Variants in CEP57L1 observed in about 807,000 individuals in gnomAD.
CEP57L1 encodes centrosomal protein CEP57L1.
In CEP57L1, 37 loss-of-function variants were observed where a neutral mutation model predicts 61.0. The ratio of observed to expected loss-of-function variants is 0.61; its 90% confidence interval spans 0.47 to 0.80. The LOEUF is 0.80. Among genes scored for constraint, CEP57L1 ranks in the 30% least tolerant of loss-of-function variants. CEP57L1 has a pLI of 0.00. For missense variants in CEP57L1, 422 were observed against 524.7 expected (o/e 0.80, Z 1.91); for synonymous variants, 137 against 162.3 (o/e 0.84, Z 1.19).
intron 1 of CEP57L1, among the ~76,000 whole-genome samples, chr6:109,124,094 C>G (rs373430419): frequency 6.6e-6 from 1 of 151,824 alleles, no homozygotes. Flanking sequence ...AAAAGAACCA[C>G]TTCTATTGCC....
chr6:109,114,781 T>C (rs571845653), intron 1 of CEP57L1, among the ~76,000 whole-genome samples: 73 of 152,272 alleles, frequency 4.8e-4, no homozygotes, highest in African/African-American at 1.5e-3. Flanking sequence ...AAATAAGTTT[T>C]GGTGTTCTGT....
chr6:109,130,409 TTTCC>T (rs749567374), intron 1 of CEP57L1, among the ~76,000 whole-genome samples: 1 of 152,146 alleles, frequency 6.6e-6, no homozygotes, highest in Non-Finnish European at 1.5e-5. Flanking sequence ...TCTGTCAGAG[TTTCC>T]TTCCTTTTTA....
rs766160534 is a variant in CEP57L1 at position 109,171,404 on chromosome 6, G to GT, written c.*8445dup. On this transcript the variant is annotated 3_prime_UTR_variant, in exon 11 of 11. Coordinates refer to ENST00000517392, the MANE Select transcript of CEP57L1 (RefSeq NM_001271852.3). The stretch of plus-strand genomic sequence containing the variant: ...CAGGCATGCGTCACCACACCCGGCT[G>GT]TTTTTTTTTTTCGCATTTTTAATAG... Among the ~76,000 whole-genome samples, 4,173 of 121,718 alleles carry GT rather than the reference G, an allele frequency of 0.034. 193 individuals are homozygous for GT. Among genetic ancestry groups the GT allele is most frequent in the African/African-American group, 0.1 (3,781 of 36,362 alleles). The allele number at this position is 121,718 out of a possible 152,430, so 79.9% of individuals were successfully genotyped here. A position where few individuals can be genotyped will look rare whatever the true frequency, so the allele number is the denominator to read the frequency against.
intron 1 of CEP57L1, among the ~76,000 whole-genome samples, chr6:109,122,957 CTTTAA>C (rs982411860): frequency 3.3e-5 from 5 of 152,144 alleles, no homozygotes; most frequent in Non-Finnish European, 5.9e-5. Flanking sequence ...GATCTTCAAA[CTTTAA>C]TTTATATAAG....
chr6:109,105,775 G>T (rs988148938), intron 1 of CEP57L1, among the ~76,000 whole-genome samples: 3 of 152,148 alleles, frequency 2.0e-5, no homozygotes, highest in Non-Finnish European at 4.4e-5. Flanking sequence ...CCATGGACTG[G>T]TACGGGTTCG....
At chr6:109,103,486 C>T (rs1177109810) in intron 1 of CEP57L1, among the ~76,000 whole-genome samples, 1 of 152,156 alleles carries the variant, frequency 6.6e-6, no homozygotes, top group Non-Finnish European at 1.5e-5. Flanking sequence ...CCTTCAAAAA[C>T]ATATTTTCTG....
chr6:109,146,132 AAACTAT>A (rs1771937068), intron 2 of CEP57L1, among the ~76,000 whole-genome samples: 1 of 151,970 alleles, frequency 6.6e-6, no homozygotes, highest in East Asian at 1.9e-4. Flanking sequence ...AATTTGATAT[AAACTAT>A]ATGACAGTTA....
At chr6:109,125,612 C>T (rs1025130753) in intron 1 of CEP57L1, among the ~76,000 whole-genome samples, 21 of 150,926 alleles carry the variant, frequency 1.4e-4, no homozygotes, top group South Asian at 6.3e-4. Flanking sequence ...TGGTGGCACA[C>T]ACCTGCTGCT....
chr6:109,148,041 T>G (rs1336254458), intron 3 of CEP57L1, among the ~76,000 whole-genome samples: 1 of 152,186 alleles, frequency 6.6e-6, no homozygotes, highest in East Asian at 1.9e-4. Context: ...ATAGTACATT[T>G]CTTGTGATAA....
At chr6:109,099,177 A>G (rs933626868) in intron 1 of CEP57L1, among the ~76,000 whole-genome samples, 1 of 152,166 alleles carries the variant, frequency 6.6e-6, no homozygotes, top group African/African-American at 2.4e-5. Flanking sequence ...GTGAGGAGAA[A>G]GATCTGGCAA....
intron 1 of CEP57L1, among the ~76,000 whole-genome samples, chr6:109,099,833 C>T (rs1782164136): frequency 6.6e-6 from 1 of 152,204 alleles, no homozygotes; most frequent in Non-Finnish European, 1.5e-5. Context: ...CAGGCGTGAG[C>T]CACCGTGCCC....
At chr6:109,145,463 G>A in intron 2 of CEP57L1, 82 bp downstream of exon 2, 1 of 936,354 alleles carries the variant, frequency 1.1e-6, no homozygotes, top group Admixed American at 2.7e-5. Context: ...CAATATGATT[G>A]CATATTTAAT....
chr6:109,146,737 A>G (rs1772001509), intron 2 of CEP57L1, 21 bp from the exon 3 acceptor site: 1 of 1,505,260 alleles, frequency 6.6e-7, no homozygotes, highest in African/African-American at 1.4e-5. Context: ...TTAAAATATC[A>G]ACAAAATTTT....
chr6:109,132,653 G>A (rs1361328123), intron 1 of CEP57L1, among the ~76,000 whole-genome samples: 1 of 152,168 alleles, frequency 6.6e-6, no homozygotes, highest in Non-Finnish European at 1.5e-5. Flanking sequence ...ATATGTGTAT[G>A]TAAAGAAATA....
intron 1 of CEP57L1, among the ~76,000 whole-genome samples, chr6:109,144,239 A>G (rs1430680564): frequency 6.6e-6 from 1 of 152,134 alleles, no homozygotes; most frequent in African/African-American, 2.4e-5. Flanking sequence ...TCCAGAAAAT[A>G]CTATCCTGGG....
chr6:109,101,096 G>T (rs372209563), intron 1 of CEP57L1, among the ~76,000 whole-genome samples: 5 of 152,124 alleles, frequency 3.3e-5, no homozygotes, highest in African/African-American at 1.2e-4. Flanking sequence ...GACAGAGTAT[G>T]ACTCTGTCTT....
chr6:109,131,504 T>C (rs569059642), intron 1 of CEP57L1, among the ~76,000 whole-genome samples: 1 of 152,094 alleles, frequency 6.6e-6, no homozygotes, highest in South Asian at 2.1e-4. Flanking sequence ...TCCTTTTCCT[T>C]TTTTGAAGCC....
chr6:109,154,921 C>A (rs1381572721), intron 5 of CEP57L1, among the ~76,000 whole-genome samples: 1 of 151,986 alleles, frequency 6.6e-6, no homozygotes, highest in Non-Finnish European at 1.5e-5. Context: ...ACCTGCTACA[C>A]CTTTAGTACC....
chr6:109,160,178 G>A (rs945545061), intron 9 of CEP57L1, among the ~76,000 whole-genome samples: 1 of 152,132 alleles, frequency 6.6e-6, no homozygotes, highest in East Asian at 1.9e-4. Flanking sequence ...ATTTCAGTAG[G>A]CTAACTCCAA....
Sources: allele counts gnomAD v4.1 joint callset (sites outside exome capture counted in the v4.1 genomes callset), GRCh38; gene constraint gnomAD v4.1.1; transcripts MANE v1.5; gene names NCBI Gene and HGNC (gene_info 2026-07-23, HGNC 2026-07-21).